The following MYO7B variants were observed in gnomAD, a reference collection of about 807,000 sequenced individuals.
MYO7B encodes the protein unconventional myosin-VIIb.
Under a neutral mutation model 259.7 loss-of-function variants are expected in MYO7B, and 212 were observed. The observed-to-expected ratio is 0.82, with a 90% CI of 0.73 to 0.91. The LOEUF (loss-of-function observed/expected upper bound fraction) is 0.91. Ranked by LOEUF, MYO7B falls within the 40% of genes least tolerant of loss-of-function variation. MYO7B has a pLI of 0.00. For missense variants in MYO7B, 2,732 were observed against 2,813.5 expected (o/e 0.97, Z 0.66); for synonymous variants, 1,197 against 1,166.4 (o/e 1.03, Z -0.54).
intron 9 of MYO7B, among the ~76,000 whole-genome samples, chr2:127,579,974 A>G (rs982717494): frequency 1.2e-4 from 18 of 152,058 alleles, no homozygotes; most frequent in Non-Finnish European, 2.1e-4. Context: ...AGAAGTCGGG[A>G]GGGTGCTTAC....
chr2:127,601,170 T>C (rs1679952916), intron 19 of MYO7B, among the ~76,000 whole-genome samples: 1 of 152,258 alleles, frequency 6.6e-6, no homozygotes, highest in African/African-American at 2.4e-5. Flanking sequence ...GATTTCACTA[T>C]GGTAAGAGAC....
chr2:127,561,566 G>A (rs1678087740), intron 2 of MYO7B, among the ~76,000 whole-genome samples: 1 of 152,160 alleles, frequency 6.6e-6, no homozygotes, highest in Non-Finnish European at 1.5e-5. Context: ...GTCTTTCAGA[G>A]GGCCCATGTG....
chr2:127,624,132 G>A lies in MYO7B; in HGVS notation c.3859G>A (p.Ala1287Thr). The A allele has an allele frequency of 6.3e-7, 1 of 1,589,714 alleles. No individual in the cohort carries two copies. The highest frequency in any genetic ancestry group is 8.6e-7 in the Non-Finnish European group (1 of 1,168,894). ...CAGCGGGCGCGACCACATGATGGAT[G>A]CCATCGCCCGGTGTGAGCAGATGGC... ...LGSGRDHMMDAIARCEQMAQE... is the reference protein window; with the variant it reads ...LGSGRDHMMDTIARCEQMAQE... Residue 1287 changes from alanine to threonine, a missense_variant, in exon 30 of 48, where the codon GCC becomes ACC. By Grantham distance (58) the Ala-to-Thr change is moderately conservative. Coordinates refer to ENST00000409816, the MANE Select transcript of MYO7B (RefSeq NM_001393586.1).
chr2:127,605,981 AGT>A, intron 20 of MYO7B, 53 bp downstream of exon 20: 1 of 1,424,872 alleles, frequency 7.0e-7, no homozygotes, highest in Non-Finnish European at 9.8e-7. Flanking sequence ...GTAACTGTCC[AGT>A]AAAAGACAGA....
chr2:127,605,815 C>T, intron 19 of MYO7B, 29 bp from the exon 20 acceptor site: 1 of 1,603,850 alleles, frequency 6.2e-7, no homozygotes, highest in African/African-American at 1.3e-5. Flanking sequence ...GGGATTGTTA[C>T]ATGTGTGTGG....
intron 5 of MYO7B, among the ~76,000 whole-genome samples, chr2:127,569,276 A>T (rs1471916750): frequency 6.6e-6 from 1 of 151,852 alleles, no homozygotes; most frequent in Non-Finnish European, 1.5e-5. Context: ...TTAAAATAGT[A>T]CAGGACGGGA....
rs1234304526 is a variant in MYO7B, at chr2:127,581,874, C to A, written c.1081-17C>A. The A allele has an allele frequency of 6.2e-7, 1 of 1,613,290 alleles. No homozygotes were observed. Among genetic ancestry groups the A allele is most frequent in the Admixed American group, 1.7e-5 (1 of 60,012 alleles). ...CCTGCTCCACAGGTGCGACGCAGCC[C>A]CCACCTGCCTCCCCAGGTGCAGCAC... On this transcript the variant is annotated splice_polypyrimidine_tract_variant and intron_variant, in intron 10 of 47. Coordinates refer to ENST00000409816, the MANE Select transcript of MYO7B (RefSeq NM_001393586.1).
At chr2:127,547,619 G>A (rs532460330) in intron 1 of MYO7B, among the ~76,000 whole-genome samples, 31 of 152,046 alleles carry the variant, frequency 2.0e-4, no homozygotes, top group Non-Finnish European at 4.1e-4. Flanking sequence ...GGCATGACAC[G>A]GTCAACTTTT....
intron 6 of MYO7B, among the ~76,000 whole-genome samples, chr2:127,572,623 C>T (rs1678695391): frequency 6.6e-6 from 1 of 151,126 alleles, no homozygotes; most frequent in Non-Finnish European, 1.5e-5. Context: ...GTTTGTTTTG[C>T]ATGTTGATAC....
At chr2:127,536,909 CT>C (rs1213723774) in intron 1 of MYO7B, among the ~76,000 whole-genome samples, 2 of 152,218 alleles carry the variant, frequency 1.3e-5, no homozygotes, top group Non-Finnish European at 2.9e-5. Flanking sequence ...AGGCGGCTGT[CT>C]TGGGGCCTGC....
chr2:127,619,326 G>T (rs913415434), intron 26 of MYO7B, among the ~76,000 whole-genome samples: 7 of 132,464 alleles, frequency 5.3e-5, no homozygotes, highest in Non-Finnish European at 1.1e-4. Flanking sequence ...GTTGGGTTGT[G>T]GGGGCTGGAT....
rs200072136 is a variant in MYO7B at position 127,633,316 on chromosome 2, G to T, written c.5464G>T (p.Val1822Phe). The part of the protein sequence containing the change: ...QVEVEAAEQN[V>F]SRICHKIYFP... ...GGAGGTGGAGGCCGCAGAGCAGAACGTCTCCCGCATCTGCCACAAGATCTA... is the reference window on the plus strand; with the variant it reads ...GGAGGTGGAGGCCGCAGAGCAGAACTTCTCCCGCATCTGCCACAAGATCTA... The change falls in exon 40 of 48, where the codon GTC (valine) becomes TTC (phenylalanine). Residue 1822 changes from valine to phenylalanine, a missense_variant. Transcript: ENST00000409816. The T allele has an allele frequency of 5.0e-6, 8 of 1,612,824 alleles. No individual in the cohort carries two copies. The highest frequency in any genetic ancestry group is 1.1e-5 in the South Asian group (1 of 91,036).
At chr2:127,575,099 T>G (rs1474866420) in intron 7 of MYO7B, among the ~76,000 whole-genome samples, 2 of 152,174 alleles carry the variant, frequency 1.3e-5, no homozygotes, top group African/African-American at 4.8e-5. Flanking sequence ...GACAGATGCC[T>G]CCGCACTGTG....
At position 127,607,525 on chromosome 2, in the gene MYO7B, C is replaced by T. The variant is rs570551692; in HGVS notation, c.2643+101C>T. On this transcript the variant is annotated intron_variant, in intron 21 of 47. Transcript: ENST00000409816. The surrounding 1 kb of genome is among the most constrained non-coding windows in gnomAD (Gnocchi z 4.4). ...GGCTGTGTAGAGAGCTCACCAGAAGCGCTTTGGAAAATCCCCCCGCCCCCG... is the reference window on the plus strand; with the variant it reads ...GGCTGTGTAGAGAGCTCACCAGAAGTGCTTTGGAAAATCCCCCCGCCCCCG... 11 of 1,052,728 alleles carry T rather than the reference C, an allele frequency of 1.0e-5. No homozygotes were observed. Among genetic ancestry groups the T allele is most frequent in the African/African-American group, 8.0e-5 (5 of 62,554 alleles). The allele number at this position is 1,052,728 out of a possible 1,614,324, so 65.2% of individuals were successfully genotyped here.
At position 127,628,328 on chromosome 2, in the gene MYO7B, G is replaced by A; in HGVS notation, c.4461-44G>A. On this transcript the variant is annotated intron_variant, in intron 33 of 47. Coordinates refer to ENST00000409816, the MANE Select transcript of MYO7B (RefSeq NM_001393586.1). The surrounding 1 kb of genome is among the most constrained non-coding windows in gnomAD (Gnocchi z 4.8). ...GAGGCTGTTTAGGGGCTGGATCAGG[G>A]GAAGGTGGAGGGGGCTCCTGGTCAC... The A allele has an allele frequency of 6.4e-7, 1 of 1,566,058 alleles. No homozygotes were observed. The highest frequency in any genetic ancestry group is 8.6e-7 in the Non-Finnish European group (1 of 1,158,802).
At position 127,628,267 on chromosome 2, in the gene MYO7B, CTCATCTG is replaced by C; in HGVS notation, c.4461-103_4461-97del. The C allele has an allele frequency of 6.5e-6, 9 of 1,376,826 alleles. No homozygotes were observed. Among genetic ancestry groups the C allele is most frequent in the Non-Finnish European group, 9.0e-6 (9 of 1,002,002 alleles). The allele number at this position is 1,376,826 out of a possible 1,614,324, so 85.3% of individuals were successfully genotyped here. On this transcript the variant is annotated intron_variant, in intron 33 of 47. Coordinates refer to ENST00000409816, the MANE Select transcript of MYO7B (RefSeq NM_001393586.1). The surrounding 1 kb of genome is among the most constrained non-coding windows in gnomAD (Gnocchi z 4.8). ...GGCCCTGGCAGAGCAGCTCTGTGTCCTCATCTGTGACTCAGGACCCCCAACCCCACCT... is the reference window on the plus strand; with the variant it reads ...GGCCCTGGCAGAGCAGCTCTGTGTCCTGACTCAGGACCCCCAACCCCACCT...
intron 26 of MYO7B, among the ~76,000 whole-genome samples, chr2:127,616,083 C>T (rs1450733912): frequency 6.6e-6 from 1 of 152,054 alleles, no homozygotes; most frequent in African/African-American, 2.4e-5. Flanking sequence ...AGCATCCGCT[C>T]CACAAGCTGC....
In MYO7B at chr2:127,636,928, T is replaced by C. The variant is rs1305065797; in HGVS notation, c.6327+15T>C. On this transcript the variant is annotated intron_variant, in intron 47 of 47. Transcript: ENST00000409816. The surrounding 1 kb of genome is among the most constrained non-coding windows in gnomAD (Gnocchi z 4.5). ...AGACCTCCCTGGTGAGCTCAGGTTC[T>C]TTCTCCCATCCAAGATGCATAGGAC... 1.2e-6 allele frequency: 2 copies of C among 1,609,526 alleles called. No homozygotes were observed. The highest frequency in any genetic ancestry group is 1.7e-6 in the Non-Finnish European group (2 of 1,179,810).
At chr2:127,631,384 G>C (rs773094754) in intron 37 of MYO7B, 21 bp downstream of exon 37, 1 of 1,594,162 alleles carries the variant, frequency 6.3e-7, no homozygotes, top group Non-Finnish European at 8.6e-7. Flanking sequence ...CCACCAGCCT[G>C]CCTGCACCTC....
Sources: gnomAD v4.1 joint callset for allele counts (sites outside exome capture counted in the v4.1 genomes callset) on GRCh38, gnomAD v4.1.1 for gene constraint, Gnocchi (gnomAD v3.1) non-coding constraint, MANE v1.5 for transcripts, NCBI Gene and HGNC (gene_info 2026-07-23, HGNC 2026-07-21) for gene names.